Variants in DNM2 observed in about 807,000 individuals in gnomAD.
DNM2 encodes the protein dynamin 2.
DNM2 carries 15 observed loss-of-function variants against 99.0 expected under a neutral mutation model. That is an observed-to-expected ratio of 0.15 (90% CI 0.10 to 0.23). The LOEUF is 0.23. Ranked by LOEUF, DNM2 falls within the 10% of genes least tolerant of loss-of-function variation. The pLI, the probability that DNM2 is intolerant of heterozygous loss-of-function variation, is 1.00. For synonymous variants in DNM2, 525 were observed against 481.2 expected (o/e 1.09, Z -1.19); for missense variants, 742 against 1,189.4 (o/e 0.62, Z 5.53).
intron 15 of DNM2, among the ~76,000 whole-genome samples, chr19:10,815,706 G>A (rs1359958026): frequency 6.6e-6 from 1 of 152,190 alleles, no homozygotes; most frequent in Non-Finnish European, 1.5e-5. Context: ...CTCAGTCCAG[G>A]CAACCTCAGT....
chr19:10,820,230 C>T lies in DNM2; in HGVS notation c.1781+141C>T, dbSNP rs1005914238. 6 of 777,666 alleles carry T rather than the reference C, an allele frequency of 7.7e-6. No individual in the cohort carries two copies. The highest frequency in any genetic ancestry group is 1.7e-5 in the African/African-American group (1 of 58,368). The allele number at this position is 777,666 out of a possible 1,614,324, so 48.2% of individuals were successfully genotyped here. A position where few individuals can be genotyped will look rare whatever the true frequency, so the allele number is the denominator to read the frequency against. On this transcript the variant is annotated intron_variant, in intron 16 of 20. Coordinates refer to ENST00000389253, the MANE Select transcript of DNM2 (RefSeq NM_001005361.3). This position sits in a 1 kb window ranked among gnomAD's most constrained non-coding sequence, Gnocchi z 4.3. ...ACCCAGCTTTTAGAAAGGGGAGTCA[C>T]GTGAGAAATAGCAAATGCCAGGGAT...
chr19:10,745,798 G>A (rs894260299), intron 1 of DNM2, among the ~76,000 whole-genome samples: 3 of 152,206 alleles, frequency 2.0e-5, no homozygotes, highest in Middle Eastern at 3.2e-3. Flanking sequence ...GGCATCAGTA[G>A]GGGACAGACC....
chr19:10,783,466 C>A (rs1482923102), intron 6 of DNM2, among the ~76,000 whole-genome samples: 1 of 151,992 alleles, frequency 6.6e-6, no homozygotes, highest in Non-Finnish European at 1.5e-5. Flanking sequence ...GACCCTGTTT[C>A]AAAAACTTAA....
At position 10,765,848 on chromosome 19, in the gene DNM2, G is replaced by C. The variant is rs2070780775; in HGVS notation, c.235+6037G>C. Reference sequence around the variant, plus strand: ...TCTCCTCTCCTTGCCTTCAGGGCCAGCCTCGTCATTGTGTTCTTTGCTGGG... The same window carrying C: ...TCTCCTCTCCTTGCCTTCAGGGCCACCCTCGTCATTGTGTTCTTTGCTGGG... On this transcript the variant is annotated intron_variant, in intron 2 of 20. Transcript: ENST00000389253. The surrounding 1 kb of genome is among the most constrained non-coding windows in gnomAD (Gnocchi z 4.4). Among the ~76,000 whole-genome samples, 1 of 152,188 alleles carries C rather than the reference G, an allele frequency of 6.6e-6. No homozygotes were observed. Among genetic ancestry groups the C allele is most frequent in the African/African-American group, 2.4e-5 (1 of 41,450 alleles).
At chr19:10,799,283 C>T (rs893968741) in intron 11 of DNM2, among the ~76,000 whole-genome samples, 1 of 152,158 alleles carries the variant, frequency 6.6e-6, no homozygotes, top group Admixed American at 6.6e-5. Flanking sequence ...AGCCCGCTCC[C>T]TATCCTACAG....
intron 5 of DNM2, among the ~76,000 whole-genome samples, chr19:10,779,474 T>C (rs1446408172): frequency 4.9e-5 from 6 of 122,440 alleles, no homozygotes; most frequent in East Asian, 5.3e-4. Context: ...TTATAAGTTT[T>C]TTTCTTTCTT....
intron 12 of DNM2, among the ~76,000 whole-genome samples, chr19:10,804,213 C>G (rs976437424): frequency 1.3e-5 from 2 of 152,054 alleles, no homozygotes; most frequent in Non-Finnish European, 2.9e-5. Context: ...TTTGAGGGAG[C>G]CCTGGCAAGG....
At chr19:10,777,628 C>T (rs1301980345) in intron 5 of DNM2, among the ~76,000 whole-genome samples, 1 of 152,010 alleles carries the variant, frequency 6.6e-6, no homozygotes, top group South Asian at 2.1e-4. Context: ...AGTTTTTGCT[C>T]TTGTCACCCA....
intron 15 of DNM2, among the ~76,000 whole-genome samples, chr19:10,815,510 G>A (rs972786562): frequency 1.3e-5 from 2 of 152,210 alleles, no homozygotes; most frequent in African/African-American, 4.8e-5. Context: ...CCAGGACTGT[G>A]CCTGGCTCAC....
intron 1 of DNM2, among the ~76,000 whole-genome samples, chr19:10,750,229 G>A (rs573998235): frequency 4.0e-4 from 61 of 152,186 alleles, no homozygotes; most frequent in South Asian, 3.1e-3. Context: ...CTGTAATCCC[G>A]GTGCTTTGGG....
At position 10,817,368 on chromosome 19, in the gene DNM2, C is replaced by T; in HGVS notation, c.1672-2612C>T. On this transcript the variant is annotated intron_variant, in intron 15 of 20. Transcript: ENST00000389253. The surrounding 1 kb of genome is among the most constrained non-coding windows in gnomAD (Gnocchi z 4.6). ...TGGGAAACGGGGTGGTGGAAAATGA[C>T]ACTCACCTGCCGGCGAGTTTGGGGG... 1 of 473,770 alleles carries T rather than the reference C, an allele frequency of 2.1e-6. No individual in the cohort carries two copies. 29.3% of individuals were successfully genotyped at this position (473,770 alleles called of 1,614,324 possible).
At chr19:10,808,154 AAAG>A (rs1268922682) in intron 13 of DNM2, among the ~76,000 whole-genome samples, 2 of 151,654 alleles carry the variant, frequency 1.3e-5, no homozygotes, top group African/African-American at 2.4e-5. Context: ...GGAAAAAAAA[AAAG>A]AAAGAAAGAA....
intron 2 of DNM2, among the ~76,000 whole-genome samples, chr19:10,761,969 A>T (rs1052078848): frequency 2.6e-5 from 4 of 152,340 alleles, no homozygotes; most frequent in Admixed American, 6.5e-5. Flanking sequence ...CCTGAGAGTC[A>T]CTATAGAAAT....
intron 5 of DNM2, among the ~76,000 whole-genome samples, chr19:10,781,020 A>T (rs1441281192): frequency 2.8e-4 from 8 of 28,412 alleles, no homozygotes; most frequent in Non-Finnish European, 6.0e-4. Context: ...TCTGTCTTTA[A>T]AAAAAAAAAA....
At position 10,795,764 on chromosome 19, in the gene DNM2, G is replaced by T. The variant is rs2071910649; in HGVS notation, c.1196+325G>T. 8.6e-6 allele frequency: 5 copies of T among 583,182 alleles called. No homozygotes were observed. Among genetic ancestry groups the T allele is most frequent in the South Asian group, 8.0e-5 (4 of 50,260 alleles). 36.1% of individuals were successfully genotyped at this position (583,182 alleles called of 1,614,324 possible). A position where few individuals can be genotyped will look rare whatever the true frequency, so the allele number is the denominator to read the frequency against. On this transcript the variant is annotated intron_variant, in intron 9 of 20. Coordinates refer to ENST00000389253, the MANE Select transcript of DNM2 (RefSeq NM_001005361.3). The surrounding 1 kb of genome is among the most constrained non-coding windows in gnomAD (Gnocchi z 4.2). ...GATTTGCCTGGGGAGGGGCGGGGCG[G>T]CACTGAATCAGGGTTTTGGGAAGCC...
At chr19:10,786,431 C>A in intron 6 of DNM2, 133 bp from the exon 7 acceptor site, 3 of 1,369,068 alleles carry the variant, frequency 2.2e-6, no homozygotes, top group Admixed American at 3.4e-5. Flanking sequence ...CTGTTGCTGT[C>A]TCTCAAGGCT....
Position 10,775,995 on chromosome 19 carries a change from C to G in DNM2, c.589+89C>G, listed in dbSNP as rs2071140090. The stretch of plus-strand genomic sequence containing the variant: ...TCCTTGGTTCCAAGTCACTGGCGTT[C>G]TCTTTAATCCATGGCCGCTGTAGGA... On this transcript the variant is annotated intron_variant, in intron 4 of 20. Transcript: ENST00000389253. The surrounding 1 kb of genome is among the most constrained non-coding windows in gnomAD (Gnocchi z 4.3). 2.0e-6 allele frequency: 3 copies of G among 1,510,786 alleles called. No homozygotes were observed. The highest frequency in any genetic ancestry group is 2.7e-6 in the Non-Finnish European group (3 of 1,114,272). The allele number at this position is 1,510,786 out of a possible 1,614,324, so 93.6% of individuals were successfully genotyped here. A position where few individuals can be genotyped will look rare whatever the true frequency, so the allele number is the denominator to read the frequency against.
chr19:10,826,600 T>C (rs2073150388), intron 18 of DNM2, among the ~76,000 whole-genome samples: 1 of 152,110 alleles, frequency 6.6e-6, no homozygotes, highest in Non-Finnish European at 1.5e-5. Context: ...ATAAACCAGC[T>C]TTGGGGCCGG....
chr19:10,801,915 A>C (rs949317041), intron 11 of DNM2, among the ~76,000 whole-genome samples: 5 of 151,884 alleles, frequency 3.3e-5, no homozygotes, highest in East Asian at 1.9e-4. Flanking sequence ...GAAGAAAAAA[A>C]AAAAAAAAAC....
Sources: allele counts gnomAD v4.1 joint callset (sites outside exome capture counted in the v4.1 genomes callset), GRCh38; gene constraint gnomAD v4.1.1; non-coding constraint Gnocchi (gnomAD v3.1); transcripts MANE v1.5; gene names NCBI Gene and HGNC (gene_info 2026-07-23, HGNC 2026-07-21).